The following USP26 variants were observed in gnomAD, a reference collection of about 807,000 sequenced individuals.
USP26 encodes the protein ubiquitin specific peptidase 26.
For synonymous variants in USP26, 236 were observed against 240.6 expected, an observed-to-expected ratio of 0.98 and a Z score of 0.18; for missense variants, 649 against 642.3, an observed-to-expected ratio of 1.01 and a Z score of -0.11.
intron 5 of USP26, among the ~76,000 whole-genome samples, chrX:133,052,557 A>C (rs1035201468): frequency 4.4e-5 from 5 of 112,499 alleles, no homozygotes. Flanking sequence ...ATATCACTGA[A>C]AACATCAACT....
Position 133,027,557 on chromosome X carries a change from A to G in USP26, c.664T>C (p.Leu222=), listed in dbSNP as rs772948518. The change falls in exon 6 of 6, where the codon TTG becomes CTG. Residue 222 remains leucine (L), a synonymous_variant. Coordinates refer to ENST00000511190, the MANE Select transcript of USP26 (RefSeq NM_031907.3). ...TTCTCTTCTAACTCTTTTAACTTCA[A>G]TTGTTTCTCTCGATTATAGCTTACA... ...RCVSYNREKQ[L]KLKELEENKK... is the part of the protein sequence containing the mutation. 17 of 1,208,946 alleles carry G rather than the reference A, an allele frequency of 1.4e-5. No homozygotes were observed. In the Admixed American group the frequency reaches 3.7e-4, roughly 26 times the overall value.
At chrX:133,037,285 T>C (rs2067399425) in intron 5 of USP26, among the ~76,000 whole-genome samples, 1 of 112,460 alleles carries the variant, frequency 8.9e-6, no homozygotes, top group Admixed American at 9.4e-5. Context: ...CTAGGTTTTC[T>C]TCTAGGGTTT....
At chrX:133,045,542 G>A (rs1322640314) in intron 5 of USP26, among the ~76,000 whole-genome samples, 2 of 111,923 alleles carry the variant, frequency 1.8e-5, no homozygotes, top group East Asian at 5.6e-4. Context: ...TTTATGAGCT[G>A]TAACATTCAT....
intron 5 of USP26, among the ~76,000 whole-genome samples, chrX:133,057,506 C>T (rs1172188005): frequency 9.1e-6 from 1 of 110,398 alleles, no homozygotes; most frequent in African/African-American, 3.3e-5. Context: ...GTCTCTTTTA[C>T]TTATGTTTGC....
chrX:133,088,943 G>GT (rs747353965), intron 4 of USP26, among the ~76,000 whole-genome samples: 2,748 of 98,812 alleles, frequency 0.028, 29 homozygotes, highest in Middle Eastern at 0.043. Flanking sequence ...TTTAGGTAGA[G>GT]TTTTTTTTTT....
intron 5 of USP26, among the ~76,000 whole-genome samples, chrX:133,057,866 A>ATATATAT (rs1412413450): frequency 5.4e-4 from 5 of 9,338 alleles, no homozygotes; most frequent in South Asian, 0.018. Flanking sequence ...ATATATATAT[A>ATATATAT]TTTTTTTTTT....
intron 5 of USP26, among the ~76,000 whole-genome samples, chrX:133,078,914 T>G (rs1156249510): frequency 8.9e-6 from 1 of 112,234 alleles, no homozygotes; most frequent in Non-Finnish European, 1.9e-5. Flanking sequence ...ACTTTACTAG[T>G]CCAGGTCATT....
chrX:133,030,113 C>T lies in USP26; in HGVS notation c.-76-1817G>A, dbSNP rs996903371. 6.2e-5 allele frequency among the ~76,000 whole-genome samples: 7 copies of T among 112,074 alleles called. No homozygotes were observed. In the South Asian group the frequency reaches 2.2e-3, roughly 36 times the overall value. ...CTTCAGCATTCCTCCTCCTTTCTCA[C>T]CCCCACACCAGATTCAAAACGTATA... On this transcript the variant is annotated intron_variant, in intron 5 of 5. Coordinates refer to ENST00000511190, the MANE Select transcript of USP26 (RefSeq NM_031907.3).
At chrX:133,062,809 C>G (rs959544449) in intron 5 of USP26, among the ~76,000 whole-genome samples, 2 of 110,677 alleles carry the variant, frequency 1.8e-5, no homozygotes, top group African/African-American at 3.3e-5. Context: ...TTCCAAAAAC[C>G]AGAATGCCTC....
intron 4 of USP26, among the ~76,000 whole-genome samples, chrX:133,086,792 T>C (rs1363161592): frequency 1.8e-5 from 2 of 108,198 alleles, no homozygotes; most frequent in East Asian, 2.9e-4. Flanking sequence ...CAGGAGCCTG[T>C]AATCCTAGCT....
chrX:133,088,134 C>T (rs776328253), intron 4 of USP26, among the ~76,000 whole-genome samples: 2 of 111,633 alleles, frequency 1.8e-5, no homozygotes, highest in East Asian at 5.6e-4. Flanking sequence ...CATGCCACTG[C>T]ACTCCAGCCT....
intron 5 of USP26, among the ~76,000 whole-genome samples, chrX:133,041,902 G>A (rs1410558642): frequency 1.8e-5 from 2 of 112,420 alleles, no homozygotes; most frequent in Non-Finnish European, 3.8e-5. Context: ...CTCCAAAGGT[G>A]CCCTGCCCAG....
At chrX:133,038,405 C>T (rs770050504) in intron 5 of USP26, among the ~76,000 whole-genome samples, 9 of 111,490 alleles carry the variant, frequency 8.1e-5, no homozygotes, top group East Asian at 2.8e-4. Context: ...AGGCCTTTTC[C>T]GCATCCATTG....
At chrX:133,044,223 C>T (rs920858015) in intron 5 of USP26, among the ~76,000 whole-genome samples, 3 of 113,281 alleles carry the variant, frequency 2.6e-5, no homozygotes, top group Non-Finnish European at 5.6e-5. Flanking sequence ...TGGCAGCCCT[C>T]GCAGCCCTCG....
At chrX:133,075,543 G>T (rs776897867) in intron 5 of USP26, among the ~76,000 whole-genome samples, 2 of 112,167 alleles carry the variant, frequency 1.8e-5, no homozygotes, top group African/African-American at 6.5e-5. Flanking sequence ...ACTGCAATGG[G>T]AGATGGTAAG....
chrX:133,088,602 C>G (rs1245968368), intron 4 of USP26, among the ~76,000 whole-genome samples: 1 of 111,832 alleles, frequency 8.9e-6, no homozygotes, highest in Non-Finnish European at 1.9e-5. Context: ...TCTTAGGAAT[C>G]AAGAAGCCAG....
intron 5 of USP26, among the ~76,000 whole-genome samples, chrX:133,061,644 C>T (rs1488886216): frequency 8.9e-6 from 1 of 111,998 alleles, no homozygotes; most frequent in East Asian, 2.8e-4. Flanking sequence ...GTGCAGCCTA[C>T]AGAGGGCGAG....
At chrX:133,072,377 C>T (rs770903080) in intron 5 of USP26, among the ~76,000 whole-genome samples, 5 of 112,204 alleles carry the variant, frequency 4.5e-5, no homozygotes, top group South Asian at 3.7e-4. Flanking sequence ...CAAACAGGCA[C>T]GCTATCACGT....
chrX:133,051,682 G>A (rs1014814339), intron 5 of USP26, among the ~76,000 whole-genome samples: 7 of 112,098 alleles, frequency 6.2e-5, no homozygotes, highest in Admixed American at 3.8e-4. Context: ...ACTACACAAG[G>A]ACTGAATTTA....
Sources: allele counts gnomAD v4.1 joint callset (sites outside exome capture counted in the v4.1 genomes callset), GRCh38; gene constraint gnomAD v4.1.1; transcripts MANE v1.5; gene names NCBI Gene and HGNC (gene_info 2026-07-23, HGNC 2026-07-21).